HERC4: variants seen among roughly 807,000 people sequenced by gnomAD.
HERC4 encodes the protein HECT and RLD domain containing E3 ubiquitin protein ligase 4.
Under a neutral mutation model 124.3 loss-of-function variants are expected in HERC4, and 28 were observed. The ratio of observed to expected loss-of-function variants is 0.23; its 90% confidence interval spans 0.17 to 0.31. The LOEUF is 0.31. Ranked by LOEUF, HERC4 falls within the 10% of genes least tolerant of loss-of-function variation. The pLI, the probability that HERC4 is intolerant of heterozygous loss-of-function variation, is 1.00. For missense variants in HERC4, 713 were observed against 1,229.3 expected, an observed-to-expected ratio of 0.58 and a Z score of 6.28; for synonymous variants, 407 against 421.5, an observed-to-expected ratio of 0.97 and a Z score of 0.42.
Position 67,991,140 on chromosome 10 carries a change from C to T in HERC4, c.1331G>A (p.Ser444Asn). 3 of 1,528,152 alleles carry T rather than the reference C, an allele frequency of 2.0e-6. No individual in the cohort carries two copies. Among genetic ancestry groups the T allele is most frequent in the Non-Finnish European group, 1.8e-6 (2 of 1,134,884 alleles). The allele number at this position is 1,528,152 out of a possible 1,614,324, so 94.7% of individuals were successfully genotyped here. ...GCLNGSFLAV[S>N]NDDHYRTGTR... ...AGCATATTAAAGAATTGCCACTTAC[C>T]TAACAGCTAAAAAACTTCCATTTAG... Residue 444 changes from serine to asparagine, a missense_variant and splice_region_variant, in exon 12 of 25, where the codon AGC becomes AAC. Physicochemically the swap from Ser to Asn is conservative, Grantham distance 46. Transcript: ENST00000373700.
In HERC4 at chr10:67,985,202, T is replaced by C. The variant is rs1415186377; in HGVS notation, c.1806+3461A>G. Among the ~76,000 whole-genome samples the C allele has an allele frequency of 2.0e-5, 3 of 152,180 alleles. No homozygotes were observed. The East Asian group carries it at 5.8e-4, about 29-fold the overall frequency. ...TTCCCTAATCTAGTACTTACCATGC[T>C]GTAACATAAAGACCAAAAAGTTTAG... On this transcript the variant is annotated intron_variant, in intron 15 of 24. Transcript: ENST00000373700.
In HERC4 at chr10:67,957,804, G is replaced by C. The variant is rs371396605; in HGVS notation, c.1927-828C>G. On this transcript the variant is annotated intron_variant, in intron 16 of 24. Coordinates refer to ENST00000373700, the MANE Select transcript of HERC4 (RefSeq NM_015601.4). Reference sequence around the variant, plus strand: ...GTGATTAGACAGTTCTTTATAGTCTGAATCTGCATTTTTTTTTCCCCCATA... The same window carrying C: ...GTGATTAGACAGTTCTTTATAGTCTCAATCTGCATTTTTTTTTCCCCCATA... Among the ~76,000 whole-genome samples the C allele has an allele frequency of 2.0e-4, 30 of 152,114 alleles. No individual in the cohort carries two copies. In the South Asian group the frequency reaches 5.6e-3, roughly 28 times the overall value.
chr10:67,953,082 C>T (rs926714932), intron 19 of HERC4, among the ~76,000 whole-genome samples: 2 of 151,824 alleles, frequency 1.3e-5, no homozygotes, highest in Admixed American at 6.6e-5. Context: ...AGGAGGATAG[C>T]CCATACATTT....
chr10:68,028,550 G>A (rs2039023282), intron 7 of HERC4, among the ~76,000 whole-genome samples: 1 of 152,180 alleles, frequency 6.6e-6, no homozygotes, highest in Non-Finnish European at 1.5e-5. Flanking sequence ...AGAAGCCCTG[G>A]TTCCTTTTAG....
At chr10:67,978,465 G>A (rs1406310139) in intron 15 of HERC4, among the ~76,000 whole-genome samples, 35 of 152,316 alleles carry the variant, frequency 2.3e-4, no homozygotes, top group Non-Finnish European at 2.9e-5. Flanking sequence ...CAGAACACCA[G>A]GTAGACGTCT....
chr10:67,969,474 A>G (rs567261513), intron 15 of HERC4, among the ~76,000 whole-genome samples: 11 of 151,950 alleles, frequency 7.2e-5, no homozygotes, highest in African/African-American at 1.4e-4. Context: ...AGAGGGGGGG[A>G]AAAAAGGAAA....
chr10:67,939,721 G>GATATAT (rs111550670), intron 20 of HERC4, 67 bp from the exon 21 acceptor site: 25 of 634,356 alleles, frequency 3.9e-5, no homozygotes, highest in African/African-American at 2.7e-4. Flanking sequence ...TTTACTTATG[G>GATATAT]ATATATATAT....
At chr10:67,974,706 G>T (rs1205791539) in intron 15 of HERC4, among the ~76,000 whole-genome samples, 3 of 152,102 alleles carry the variant, frequency 2.0e-5, no homozygotes, top group Non-Finnish European at 4.4e-5. Flanking sequence ...AAAAAGAATT[G>T]TTTATATAAT....
At chr10:68,066,206 A>G (rs1006733125) in intron 3 of HERC4, among the ~76,000 whole-genome samples, 10 of 152,230 alleles carry the variant, frequency 6.6e-5, no homozygotes, top group African/African-American at 2.4e-4. Flanking sequence ...TGTGTCTTCA[A>G]AGCAGTTTTA....
rs1349852055 is a variant in HERC4 at position 67,921,966 on chromosome 10, A to T, written c.*965T>A. ...TTTCACGGCATTTTAAAATAAATTT[A>T]AAAAATAAATATTTGCATTATAGCA... On this transcript the variant is annotated 3_prime_UTR_variant, in exon 25 of 25. Coordinates refer to ENST00000373700, the MANE Select transcript of HERC4 (RefSeq NM_015601.4). 2 of 152,176 alleles carry T rather than the reference A, an allele frequency of 1.3e-5. No homozygotes were observed. Among genetic ancestry groups the T allele is most frequent in the African/African-American group, 2.4e-5 (1 of 41,434 alleles). The allele number at this position is 152,176 out of a possible 1,614,324, so 9.4% of individuals were successfully genotyped here.
At chr10:68,043,395 T>A (rs2039865037) in intron 4 of HERC4, among the ~76,000 whole-genome samples, 1 of 152,120 alleles carries the variant, frequency 6.6e-6, no homozygotes, top group Admixed American at 6.6e-5. Flanking sequence ...TTTAAAGAGG[T>A]CAGAATTTGT....
chr10:68,041,150 T>TTAACAA (rs10651200), intron 4 of HERC4, among the ~76,000 whole-genome samples: 80,117 of 151,318 alleles, frequency 0.53, 25,167 homozygotes, highest in African/African-American at 0.86. Context: ...ACCACTAATG[T>TTAACAA]TTAGTAAAAA....
intron 15 of HERC4, among the ~76,000 whole-genome samples, chr10:67,968,073 T>C (rs1011274288): frequency 6.6e-6 from 1 of 152,096 alleles, no homozygotes; most frequent in South Asian, 2.1e-4. Flanking sequence ...ACACTGGAGA[T>C]CCACCAAAAG....
chr10:67,980,174 C>T (rs1306351990), intron 15 of HERC4, among the ~76,000 whole-genome samples: 4 of 152,046 alleles, frequency 2.6e-5, no homozygotes, highest in East Asian at 1.9e-4. Context: ...TGCAATGGCG[C>T]GATCTCGGCT....
At chr10:67,986,069 G>A (rs576532802) in intron 15 of HERC4, among the ~76,000 whole-genome samples, 2 of 152,260 alleles carry the variant, frequency 1.3e-5, no homozygotes, top group Non-Finnish European at 2.9e-5. Context: ...ATCGTCCCTC[G>A]TAGTTCATAT....
intron 15 of HERC4, 103 bp downstream of exon 15, chr10:67,988,560 T>C (rs573918276): frequency 5.0e-5 from 40 of 794,394 alleles, no homozygotes; most frequent in South Asian, 1.5e-4. Context: ...ATATGCATTG[T>C]TTTTGCCAAT....
intron 9 of HERC4, among the ~76,000 whole-genome samples, chr10:68,002,016 C>A (rs1162568413): frequency 6.6e-6 from 1 of 151,938 alleles, no homozygotes; most frequent in Non-Finnish European, 1.5e-5. Context: ...TTTGATGAAA[C>A]TAAATTGCAG....
chr10:67,972,529 GAAAAAAA>G (rs58031306), intron 15 of HERC4, among the ~76,000 whole-genome samples: 14 of 58,400 alleles, frequency 2.4e-4, no homozygotes, highest in South Asian at 8.5e-4. Context: ...CAAAAAAGAG[GAAAAAAA>G]AAAAAAAAAA....
At chr10:67,935,139 C>A (rs1242336947) in intron 22 of HERC4, among the ~76,000 whole-genome samples, 1 of 150,826 alleles carries the variant, frequency 6.6e-6, no homozygotes, top group Non-Finnish European at 1.5e-5. Context: ...CTTTGGCTAT[C>A]GATTTACATT....
Sources: allele counts gnomAD v4.1 joint callset (sites outside exome capture counted in the v4.1 genomes callset), GRCh38; gene constraint gnomAD v4.1.1; transcripts MANE v1.5; gene names NCBI Gene and HGNC (gene_info 2026-07-23, HGNC 2026-07-21).